The following GEN1 variants were observed in gnomAD, a reference collection of about 807,000 sequenced individuals.
The protein encoded by GEN1 is GEN1 structure-specific endonuclease, also known as flap endonuclease GEN homolog 1.
GEN1 carries 64 observed loss-of-function variants against 67.6 expected under a neutral mutation model. That is an observed-to-expected ratio of 0.95 (90% CI 0.77 to 1.17). The LOEUF is 1.17. GEN1 is among the 50% of genes most tolerant of loss of function. The pLI is 0.00. For missense variants in GEN1, 1,058 were observed against 1,048.3 expected, an observed-to-expected ratio of 1.01 and a Z score of -0.13; for synonymous variants, 371 against 359.4, an observed-to-expected ratio of 1.03 and a Z score of -0.37.
chr2:17,780,264 C>T (rs1026088132), intron 13 of GEN1, 143 bp downstream of exon 13: 1 of 685,642 alleles, frequency 1.5e-6, no homozygotes, highest in Non-Finnish European at 2.4e-6. Flanking sequence ...CCTTCTTTGT[C>T]TTCACATACT....
rs912854038 is a variant in GEN1, at chr2:17,782,198, T to C, written c.*259T>C. ...CTTAATTGTAGTTTTAAAATATTGGTATAGTACTTGACAGAGTAAATACTT... is the reference window on the plus strand; with the variant it reads ...CTTAATTGTAGTTTTAAAATATTGGCATAGTACTTGACAGAGTAAATACTT... On this transcript the variant is annotated 3_prime_UTR_variant, in exon 14 of 14. Transcript: ENST00000381254. The C allele has an allele frequency of 1.0e-5, 3 of 291,846 alleles. No individual in the cohort carries two copies. The highest frequency in any genetic ancestry group is 1.9e-5 in the Non-Finnish European group (3 of 158,114). 18.1% of individuals were successfully genotyped at this position (291,846 alleles called of 1,614,324 possible). A position where few individuals can be genotyped will look rare whatever the true frequency, so the allele number is the denominator to read the frequency against.
rs1232936743 is a variant in GEN1, at chr2:17,783,082, CAG to C, written c.*1146_*1147del. ...TTTGTTTGTTTGTTTTTTTTTGAGA[CAG>C]AGTCTCACTCTTGTCGAGACTGGGG... is the stretch of plus-strand genomic sequence containing the variant. On this transcript the variant is annotated 3_prime_UTR_variant, in exon 14 of 14. Transcript: ENST00000381254. 4.6e-5 allele frequency: 7 copies of C among 151,982 alleles called. No individual in the cohort carries two copies. Among genetic ancestry groups the C allele is most frequent in the Non-Finnish European group, 1.0e-4 (7 of 68,016 alleles). The allele number at this position is 151,982 out of a possible 1,614,324, so 9.4% of individuals were successfully genotyped here. A position where few individuals can be genotyped will look rare whatever the true frequency, so the allele number is the denominator to read the frequency against.
At chr2:17,767,248 G>A (rs1342671276) in intron 5 of GEN1, among the ~76,000 whole-genome samples, 1 of 152,142 alleles carries the variant, frequency 6.6e-6, no homozygotes, top group Non-Finnish European at 1.5e-5. Context: ...GATGAGTTAA[G>A]TATTATGAGA....
rs1276041665 is a variant in GEN1, at chr2:17,784,393, A to G, written c.*2454A>G. ...GTAAAATGGGGCAGCCACTTTGGAA[A>G]AAGTCTGGTAGTTCTTCAAATGGTT... On this transcript the variant is annotated 3_prime_UTR_variant, in exon 14 of 14. Coordinates refer to ENST00000381254, the MANE Select transcript of GEN1 (RefSeq NM_001130009.3). The G allele has an allele frequency of 6.6e-6, 1 of 152,206 alleles. No individual in the cohort carries two copies. The highest frequency in any genetic ancestry group is 2.4e-5 in the African/African-American group (1 of 41,452). 9.4% of individuals were successfully genotyped at this position (152,206 alleles called of 1,614,324 possible).
At chr2:17,756,895 C>T (rs1282098296) in intron 1 of GEN1, among the ~76,000 whole-genome samples, 3 of 152,178 alleles carry the variant, frequency 2.0e-5, no homozygotes, top group Non-Finnish European at 1.5e-5. Context: ...TATGCTTTTA[C>T]AGTCTTAACC....
upstream of GEN1, among the ~76,000 whole-genome samples, chr2:17,753,424 G>A (rs1349724489): frequency 3.7e-5 from 3 of 80,570 alleles, no homozygotes; most frequent in Non-Finnish European, 8.0e-5. Context: ...GCCTCGGAGA[G>A]CGCGCGAAGG....
At chr2:17,778,153 T>TAG in intron 12 of GEN1, 90 bp downstream of exon 12, 1 of 472,682 alleles carries the variant, frequency 2.1e-6, no homozygotes. Flanking sequence ...TATATATATA[T>TAG]ACACACACAC....
Position 17,759,915 on chromosome 2 carries a change from G to C in GEN1, c.-15-14G>C. 1.9e-6 allele frequency: 3 copies of C among 1,609,774 alleles called. No homozygotes were observed. The South Asian group carries it at 3.3e-5, about 18-fold the overall frequency. The stretch of plus-strand genomic sequence containing the variant: ...TCTTTAACAATATTTTGTAAAGTGT[G>C]TTTCACATAACAGCAGATAATCACC... On this transcript the variant is annotated splice_polypyrimidine_tract_variant and intron_variant, in intron 1 of 13. Coordinates refer to ENST00000381254, the MANE Select transcript of GEN1 (RefSeq NM_001130009.3).
At chr2:17,775,573 A>G (rs1320010825) in intron 11 of GEN1, among the ~76,000 whole-genome samples, 1 of 152,222 alleles carries the variant, frequency 6.6e-6, no homozygotes, top group Non-Finnish European at 1.5e-5. Context: ...TTTAAAAAGT[A>G]CCAAACCAAT....
intron 4 of GEN1, 63 bp from the exon 5 acceptor site, chr2:17,766,516 A>C (rs1473335151): frequency 1.2e-6 from 1 of 819,126 alleles, no homozygotes; most frequent in Non-Finnish European, 2.0e-6. Context: ...TTATTTTTGT[A>C]ATGTGGTTTA....
At position 17,778,161 on chromosome 2, in the gene GEN1, CACAT is replaced by C. The variant is rs1460113697; in HGVS notation, c.1264+100_1264+103del. The stretch of plus-strand genomic sequence containing the variant: ...GTGTATATATATATATATACACACA[CACAT>C]AGATATGTGTATATATATATATACA... On this transcript the variant is annotated intron_variant, in intron 12 of 13. Coordinates refer to ENST00000381254, the MANE Select transcript of GEN1 (RefSeq NM_001130009.3). 564 of 539,338 alleles carry C rather than the reference CACAT, an allele frequency of 1.0e-3. 8 individuals carry two copies. The Admixed American group carries it at 0.012, about 11-fold the overall frequency. 33.4% of individuals were successfully genotyped at this position (539,338 alleles called of 1,614,324 possible).
At position 17,781,518 on chromosome 2, in the gene GEN1, G is replaced by A; in HGVS notation, c.2306G>A (p.Arg769Lys). 1.2e-6 allele frequency: 2 copies of A among 1,613,612 alleles called. No homozygotes were observed. The highest frequency in any genetic ancestry group is 1.7e-6 in the Non-Finnish European group (2 of 1,179,956). The change falls in exon 14 of 14, where the codon AGA becomes AAA. Residue 769 changes from arginine (R) to lysine (K), a missense_variant. Arg to Lys is a conservative substitution (Grantham distance 26). Transcript: ENST00000381254. Reference protein sequence around the residue: ...SNTVVKTCNVRPPNTALDHSR... With the variant: ...SNTVVKTCNVKPPNTALDHSR... ...ACAGTGGTAAAGACCTGCAATGTTA[G>A]ACCACCAAATACTGCTTTAGATCAT...
Position 17,781,466 on chromosome 2 carries a change from A to T in GEN1, c.2254A>T (p.Thr752Ser). The T allele has an allele frequency of 6.2e-7, 1 of 1,613,576 alleles. No individual in the cohort carries two copies. Among genetic ancestry groups the T allele is most frequent in the Non-Finnish European group, 8.5e-7 (1 of 1,179,912 alleles). The change falls in exon 14 of 14, where the codon ACT becomes TCT. Residue 752 changes from threonine (T) to serine (S), a missense_variant. Coordinates refer to ENST00000381254, the MANE Select transcript of GEN1 (RefSeq NM_001130009.3). ...GCTTCAAGAAGACTATAAAGTCAAT[A>T]CTTCTGTCCCTTATTCTGTCAGTAA... Reference protein sequence around the residue: ...QLLQEDYKVNTSVPYSVSNTV... With the variant: ...QLLQEDYKVNSSVPYSVSNTV...
At position 17,772,773 on chromosome 2, in the gene GEN1, C is replaced by T. The variant is rs1672252718; in HGVS notation, c.942C>T (p.Asn314=). ...EHDRQLSEVE[N]NIKKKACCCE... is the part of the protein sequence containing the mutation. ...ATAGGCAACTCAGTGAAGTAGAGAA[C>T]AATATTAAGAAGTAAGTTTTTTTAA... is the stretch of plus-strand genomic sequence containing the variant. The change falls in exon 8 of 14, where the codon AAC becomes AAT. Residue 314 remains asparagine, a synonymous_variant. Coordinates refer to ENST00000381254, the MANE Select transcript of GEN1 (RefSeq NM_001130009.3). 6.2e-7 allele frequency: 1 copy of T among 1,607,924 alleles called. No individual in the cohort carries two copies. The highest frequency in any genetic ancestry group is 8.5e-7 in the Non-Finnish European group (1 of 1,176,978).
At chr2:17,775,878 G>A (rs1672401624) in intron 11 of GEN1, among the ~76,000 whole-genome samples, 1 of 152,118 alleles carries the variant, frequency 6.6e-6, no homozygotes, top group Non-Finnish European at 1.5e-5. Flanking sequence ...GCTCGCACCT[G>A]TAATCCCAGC....
intron 10 of GEN1, among the ~76,000 whole-genome samples, chr2:17,773,680 A>G (rs1672297930): frequency 6.6e-6 from 1 of 152,102 alleles, no homozygotes; most frequent in Non-Finnish European, 1.5e-5. Context: ...ACCGTATTCC[A>G]CCTACTGTGT....
Position 17,779,887 on chromosome 2 carries a change from TG to T in GEN1, c.1265-88del, listed in dbSNP as rs1057145069. The T allele has an allele frequency of 4.7e-5, 49 of 1,045,200 alleles. No individual in the cohort carries two copies. The African/African-American group carries it at 6.9e-4, about 15-fold the overall frequency. The allele number at this position is 1,045,200 out of a possible 1,614,324, so 64.7% of individuals were successfully genotyped here. ...CGCCCGCCTTGGCCTCCCAAAATGC[TG>T]GGATTACAGGTGTGAGCCATCAAGC... On this transcript the variant is annotated intron_variant, in intron 12 of 13. Coordinates refer to ENST00000381254, the MANE Select transcript of GEN1 (RefSeq NM_001130009.3).
At chr2:17,754,381 C>T (rs1572381996) in intron 1 of GEN1, 36 bp downstream of exon 1, 2 of 152,212 alleles carry the variant, frequency 1.3e-5, no homozygotes, top group South Asian at 2.1e-4. Flanking sequence ...CGGCGCCGCC[C>T]GGGTCCTCCC....
intron 3 of GEN1, among the ~76,000 whole-genome samples, chr2:17,764,558 C>T (rs1671832497): frequency 6.6e-6 from 1 of 152,154 alleles, no homozygotes; most frequent in African/African-American, 2.4e-5. Context: ...CTTGTTTCAT[C>T]TATTCCCCTA....
Sources: allele counts gnomAD v4.1 joint callset (sites outside exome capture counted in the v4.1 genomes callset), GRCh38; gene constraint gnomAD v4.1.1; transcripts MANE v1.5; gene names NCBI Gene and HGNC (gene_info 2026-07-23, HGNC 2026-07-21).